The following RBFOX1 variants were observed in gnomAD, a reference collection of about 807,000 sequenced individuals.
RBFOX1 encodes the protein RNA binding fox-1 homolog 1, also known as RNA binding protein fox-1 homolog 1.
A neutral mutation model predicts 57.7 loss-of-function variants in RBFOX1; 8 were observed. That is an observed-to-expected ratio of 0.14 (90% CI 0.08 to 0.25). The LOEUF (loss-of-function observed/expected upper bound fraction) is 0.25, where lower values mean the gene tolerates loss of function less well. Among genes scored for constraint, RBFOX1 ranks in the 10% least tolerant of loss-of-function variants. RBFOX1 has a pLI of 1.00. For synonymous variants in RBFOX1, 326 were observed against 222.4 expected (o/e 1.47, Z -4.15); for missense variants, 611 against 548.5 (o/e 1.11, Z -1.14).
intron 3 of RBFOX1, among the ~76,000 whole-genome samples, chr16:5,629,294 A>G (rs185330359): frequency 4.7e-4 from 72 of 152,300 alleles, no homozygotes; most frequent in African/African-American, 1.7e-3. Flanking sequence ...ATATTTAACA[A>G]CATTTAGGGC....
chr16:5,389,570 A>G (rs1026157875), intron 1 of RBFOX1, among the ~76,000 whole-genome samples: 32 of 152,158 alleles, frequency 2.1e-4, no homozygotes, highest in Non-Finnish European at 1.3e-4. Context: ...CATTGGGGGC[A>G]TCCTTTGGGC....
chr16:5,737,524 ATT>A (rs35288763), intron 3 of RBFOX1, among the ~76,000 whole-genome samples: 2,817 of 128,172 alleles, frequency 0.022, 34 homozygotes, highest in Admixed American at 0.03. Context: ...AATATTCTGG[ATT>A]TTTTTTTTTT....
At position 5,326,557 on chromosome 16, in the gene RBFOX1, A is replaced by G. The variant is rs138709854; in HGVS notation, c.219+86452A>G. Among the ~76,000 whole-genome samples the G allele has an allele frequency of 5.6e-3, 851 of 152,308 alleles. 2 individuals carry two copies. Among genetic ancestry groups the G allele is most frequent in the Non-Finnish European group, 8.5e-3 (580 of 68,036 alleles). On this transcript the variant is annotated intron_variant, in intron 1 of 2. Coordinates refer to the RBFOX1 transcript ENST00000585867. ...CCCTGGTACGATGCACTCCCTGCCC[A>G]TTCTAGACTTCATTATCACAGAACA...
chr16:6,925,873 A>T (rs1016115281), intron 3 of RBFOX1, among the ~76,000 whole-genome samples: 5 of 152,142 alleles, frequency 3.3e-5, no homozygotes, highest in African/African-American at 1.2e-4. Context: ...ATCTGTAATT[A>T]CATTTCTCTA....
At chr16:6,589,952 G>A (rs2097687621) in intron 2 of RBFOX1, among the ~76,000 whole-genome samples, 1 of 152,072 alleles carries the variant, frequency 6.6e-6, no homozygotes, top group South Asian at 2.1e-4. Context: ...TTGAAGAAAA[G>A]AATCAATAAT....
chr16:7,455,734 C>T (rs2150351030), intron 4 of RBFOX1, among the ~76,000 whole-genome samples: 1 of 147,748 alleles, frequency 6.8e-6, no homozygotes, highest in East Asian at 2.0e-4. Context: ...TTGCAATGAG[C>T]CGAGATTGTG....
intron 3 of RBFOX1, among the ~76,000 whole-genome samples, chr16:6,856,522 A>C (rs1375526318): frequency 6.6e-6 from 1 of 152,148 alleles, no homozygotes; most frequent in African/African-American, 2.4e-5. Flanking sequence ...ATTGGTAAGA[A>C]AGGAAAATGC....
intron 3 of RBFOX1, among the ~76,000 whole-genome samples, chr16:5,688,795 A>C (rs1322286076): frequency 6.6e-6 from 1 of 152,226 alleles, no homozygotes; most frequent in Non-Finnish European, 1.5e-5. Flanking sequence ...GTAACTTGAG[A>C]AAGTGGAATG....
chr16:6,635,600 G>T (rs956547169), intron 2 of RBFOX1, among the ~76,000 whole-genome samples: 4 of 152,096 alleles, frequency 2.6e-5, no homozygotes, highest in African/African-American at 9.7e-5. Flanking sequence ...CATAGGGTCT[G>T]GGAGGAACAT....
Position 5,473,343 on chromosome 16 carries a change from G to A in RBFOX1, c.258+6089G>A, listed in dbSNP as rs142918742. Among the ~76,000 whole-genome samples, 1,000 of 152,170 alleles carry A rather than the reference G, an allele frequency of 6.6e-3. 11 individuals carry two copies. The highest frequency in any genetic ancestry group is 0.023 in the African/African-American group (963 of 41,508). On this transcript the variant is annotated intron_variant, in intron 2 of 2. Coordinates refer to the RBFOX1 transcript ENST00000585867. ...GACACCTCATTACTCCTGTTACACT[G>A]TGATGTCTCATTGCTTATCATCATA...
chr16:5,672,529 C>G (rs1596684530), intron 3 of RBFOX1, among the ~76,000 whole-genome samples: 1 of 152,298 alleles, frequency 6.6e-6, no homozygotes, highest in East Asian at 1.9e-4. Flanking sequence ...AAGGACCCAA[C>G]TGTGGAAACA....
At chr16:7,514,240 A>C (rs1174068854) in intron 4 of RBFOX1, among the ~76,000 whole-genome samples, 4 of 152,172 alleles carry the variant, frequency 2.6e-5, no homozygotes. Flanking sequence ...GTGTTCCAAT[A>C]AAACTTTATT....
chr16:6,422,214 G>A (rs1300737157), intron 2 of RBFOX1, among the ~76,000 whole-genome samples: 5 of 149,740 alleles, frequency 3.3e-5, no homozygotes, highest in East Asian at 2.0e-4. Context: ...GAGCCACCAC[G>A]CCCGACCACC....
intron 3 of RBFOX1, among the ~76,000 whole-genome samples, chr16:6,763,363 C>A (rs1206041657): frequency 1.3e-5 from 2 of 152,176 alleles, no homozygotes; most frequent in South Asian, 4.1e-4. Context: ...GATTACTTTC[C>A]TGTTGGAGAG....
At chr16:6,993,255 C>T (rs149611287) in intron 3 of RBFOX1, among the ~76,000 whole-genome samples, 2 of 152,176 alleles carry the variant, frequency 1.3e-5, no homozygotes, top group African/African-American at 4.8e-5. Flanking sequence ...CCTGCACACA[C>T]CTTCCTGGGA....
intron 3 of RBFOX1, among the ~76,000 whole-genome samples, chr16:5,658,007 C>T (rs1414844396): frequency 1.4e-4 from 22 of 152,116 alleles, no homozygotes; most frequent in Admixed American, 1.3e-3. Flanking sequence ...GATGATATTA[C>T]AGGCGTGAGC....
At chr16:5,550,978 A>C (rs1440291087) in intron 2 of RBFOX1, among the ~76,000 whole-genome samples, 1 of 152,150 alleles carries the variant, frequency 6.6e-6, no homozygotes, top group Non-Finnish European at 1.5e-5. Flanking sequence ...GAAGGATCCA[A>C]CTGTCTTATT....
intron 2 of RBFOX1, among the ~76,000 whole-genome samples, chr16:6,594,782 C>T (rs2097760570): frequency 6.6e-6 from 1 of 151,976 alleles, no homozygotes; most frequent in Admixed American, 6.6e-5. Flanking sequence ...GTGTACACTT[C>T]AGTGTTTTTT....
At chr16:5,591,741 GA>G (rs2047015198) in intron 2 of RBFOX1, among the ~76,000 whole-genome samples, 1 of 152,026 alleles carries the variant, frequency 6.6e-6, no homozygotes, top group Non-Finnish European at 1.5e-5. Context: ...ACAGTGTCTG[GA>G]TTCACTATAA....
Sources: allele counts gnomAD v4.1 joint callset (sites outside exome capture counted in the v4.1 genomes callset), GRCh38; gene constraint gnomAD v4.1.1; transcripts MANE v1.5; gene names NCBI Gene and HGNC (gene_info 2026-07-23, HGNC 2026-07-21).